Variants in NCKAP5 observed in about 807,000 individuals in gnomAD.
NCKAP5 encodes the protein nck-associated protein 5.
In NCKAP5, 92 loss-of-function variants were observed where a neutral mutation model predicts 167.0. The observed-to-expected ratio is 0.55, with a 90% CI of 0.47 to 0.66. The LOEUF (loss-of-function observed/expected upper bound fraction) is 0.66. NCKAP5 is among the 30% of genes least tolerant of loss of function. NCKAP5 has a pLI of 0.00. For missense variants in NCKAP5, 2,378 were observed against 2,315.0 expected, an observed-to-expected ratio of 1.03 and a Z score of -0.56; for synonymous variants, 891 against 877.4, an observed-to-expected ratio of 1.02 and a Z score of -0.27.
chr2:133,470,051 T>C (rs947810337), intron 3 of NCKAP5, among the ~76,000 whole-genome samples: 15 of 152,276 alleles, frequency 9.9e-5, no homozygotes, highest in African/African-American at 3.6e-4. Context: ...CCATTGCTGG[T>C]GAGGAACTGC....
At chr2:133,360,084 A>G (rs922227856) in intron 3 of NCKAP5, among the ~76,000 whole-genome samples, 2 of 152,170 alleles carry the variant, frequency 1.3e-5, no homozygotes, top group African/African-American at 4.8e-5. Context: ...GATGAGGAAA[A>G]GCATGAAATA....
chr2:133,410,373 G>A (rs970487399), intron 3 of NCKAP5, among the ~76,000 whole-genome samples: 1 of 152,128 alleles, frequency 6.6e-6, no homozygotes, highest in African/African-American at 2.4e-5. Context: ...CATAGCCCCT[G>A]CTACATCCCT....
chr2:133,459,955 A>G (rs578050656), intron 3 of NCKAP5, among the ~76,000 whole-genome samples: 17 of 152,356 alleles, frequency 1.1e-4, no homozygotes, highest in African/African-American at 3.4e-4. Context: ...TAAAACATTG[A>G]TAAGTACATT....
At chr2:133,286,213 G>A (rs368406774) in intron 4 of NCKAP5, among the ~76,000 whole-genome samples, 2 of 151,894 alleles carry the variant, frequency 1.3e-5, no homozygotes, top group East Asian at 3.9e-4. Context: ...AACCAGGATG[G>A]TCTCGATCTC....
chr2:133,170,703 C>T (rs960459674), intron 5 of NCKAP5, among the ~76,000 whole-genome samples: 2 of 152,224 alleles, frequency 1.3e-5, no homozygotes, highest in Non-Finnish European at 2.9e-5. Context: ...ATTGACAAGA[C>T]TCCATTCACA....
chr2:133,559,630 T>C (rs1688018242), intron 1 of NCKAP5, among the ~76,000 whole-genome samples: 1 of 152,160 alleles, frequency 6.6e-6, no homozygotes, highest in Non-Finnish European at 1.5e-5. Flanking sequence ...CTGTTGAAAT[T>C]ACTACATTTT....
chr2:133,591,905 C>A, the NCKAP5 span, among the ~76,000 whole-genome samples: 13 of 152,080 alleles, frequency 8.5e-5, no homozygotes, highest in African/African-American at 2.9e-4. Flanking sequence ...ATAAGGCAAA[C>A]AGTTAAAATT....
chr2:133,541,893 G>C (rs1225531805), intron 2 of NCKAP5, among the ~76,000 whole-genome samples: 1 of 151,950 alleles, frequency 6.6e-6, no homozygotes. Context: ...TGAGGAGGAA[G>C]CTGCTACTGC....
At position 132,935,109 on chromosome 2, in the gene NCKAP5, G is replaced by C. The variant is rs116466551; in HGVS notation, c.579+28611C>G. Among the ~76,000 whole-genome samples, 215 of 152,290 alleles carry C rather than the reference G, an allele frequency of 1.4e-3. 1 individual carries two copies. Among genetic ancestry groups the C allele is most frequent in the African/African-American group, 5.0e-3 (206 of 41,558 alleles). ...CCATGAAGGTATCTGGGAAGTGAAG[G>C]CTCCCTGGGAGCTTTTGTAAAGGAT... On this transcript the variant is annotated intron_variant, in intron 8 of 19. Coordinates refer to ENST00000409261, the MANE Select transcript of NCKAP5 (RefSeq NM_207363.3).
At chr2:133,662,919 G>A in the NCKAP5 span, among the ~76,000 whole-genome samples, 1 of 151,742 alleles carries the variant, frequency 6.6e-6, no homozygotes, top group Non-Finnish European at 1.5e-5. Flanking sequence ...TAAGTGTGCA[G>A]TAGCATTATG....
Position 133,419,419 on chromosome 2 carries a change from T to C in NCKAP5, c.69+98039A>G, listed in dbSNP as rs564687248. Among the ~76,000 whole-genome samples, 15 of 152,312 alleles carry C rather than the reference T, an allele frequency of 9.8e-5. No homozygotes were observed. The South Asian group carries it at 3.1e-3, about 32-fold the overall frequency. ...GGCATATTTCATTTGGCCCACAAAG[T>C]GGATTTTTTAAAATAATTTTAAATT... is the stretch of plus-strand genomic sequence containing the variant. On this transcript the variant is annotated intron_variant, in intron 3 of 19. Coordinates refer to ENST00000409261, the MANE Select transcript of NCKAP5 (RefSeq NM_207363.3).
chr2:132,765,308 C>CT (rs1170247644), intron 16 of NCKAP5, among the ~76,000 whole-genome samples: 13,379 of 114,384 alleles, frequency 0.12, 991 homozygotes, highest in African/African-American at 0.17. Flanking sequence ...TTCTTTCTTT[C>CT]TTTTTTTTTT....
the NCKAP5 span, among the ~76,000 whole-genome samples, chr2:133,637,092 T>C: frequency 6.6e-6 from 1 of 151,874 alleles, no homozygotes; most frequent in Non-Finnish European, 1.5e-5. Flanking sequence ...AATATATGTA[T>C]ACTTTTGTTG....
chr2:133,115,775 GTATATATATATATATATATA>G (rs10683280), intron 6 of NCKAP5, among the ~76,000 whole-genome samples: 1,498 of 94,312 alleles, frequency 0.016, 50 homozygotes, highest in African/African-American at 0.045. Flanking sequence ...ATGTGTGTGT[GTATATATATATATATATATA>G]TATATATATA....
rs191048408 is a variant in NCKAP5, at chr2:133,111,688, C to T, written c.341+18290G>A. ...GGCATAACCCTAAGCAGACTGGGCC[C>T]GGGTACCTTTTGGTGTAGGCAACAT... On this transcript the variant is annotated intron_variant, in intron 6 of 19. Transcript: ENST00000409261. Among the ~76,000 whole-genome samples, 234 of 152,278 alleles carry T rather than the reference C, an allele frequency of 1.5e-3. 1 individual carries two copies. The highest frequency in any genetic ancestry group is 0.014 in the Admixed American group (213 of 15,300).
chr2:132,963,776 T>C lies in NCKAP5; in HGVS notation c.523A>G (p.Thr175Ala), dbSNP rs1421467718. The stretch of plus-strand genomic sequence containing the variant: ...TTGGTCTTTTCTTTTCCCTCATCTG[T>C]ACTGCTGCTTTCACTCCTCGAATCC... ...DEDSRSESSS[T>A]DEGKEKTKLL... is the part of the protein sequence containing the mutation. Residue 175 changes from threonine to alanine, a missense_variant, in exon 8 of 20, where the codon ACA becomes GCA. Coordinates refer to ENST00000409261, the MANE Select transcript of NCKAP5 (RefSeq NM_207363.3). 3 of 1,613,860 alleles carry C rather than the reference T, an allele frequency of 1.9e-6. No homozygotes were observed. The highest frequency in any genetic ancestry group is 2.5e-6 in the Non-Finnish European group (3 of 1,179,876).
chr2:132,698,758 C>T (rs1183042910), intron 19 of NCKAP5, among the ~76,000 whole-genome samples: 3 of 151,990 alleles, frequency 2.0e-5, no homozygotes, highest in East Asian at 3.9e-4. Context: ...CACTTGAACC[C>T]GGGAGGCAAG....
chr2:133,441,181 G>T (rs17746296), intron 3 of NCKAP5, among the ~76,000 whole-genome samples: 66,073 of 151,834 alleles, frequency 0.44, 15,430 homozygotes, highest in African/African-American at 0.62. Flanking sequence ...CCTCATATGT[G>T]TGCTAATTGT....
intron 6 of NCKAP5, among the ~76,000 whole-genome samples, chr2:133,093,576 C>G (rs1484819047): frequency 6.6e-6 from 1 of 152,168 alleles, no homozygotes; most frequent in Non-Finnish European, 1.5e-5. Context: ...GATGTCTACA[C>G]AGAACCGCTT....
Sources: allele counts gnomAD v4.1 joint callset (sites outside exome capture counted in the v4.1 genomes callset), GRCh38; gene constraint gnomAD v4.1.1; transcripts MANE v1.5; gene names NCBI Gene and HGNC (gene_info 2026-07-23, HGNC 2026-07-21).